The following COL27A1 variants were observed in gnomAD, a reference collection of about 807,000 sequenced individuals.
COL27A1 encodes collagen type XXVII alpha 1 chain.
A neutral mutation model predicts 251.3 loss-of-function variants in COL27A1; 106 were observed. The observed-to-expected ratio is 0.42, with a 90% CI of 0.36 to 0.50. The LOEUF (loss-of-function observed/expected upper bound fraction) is 0.50, where lower values mean the gene tolerates loss of function less well. COL27A1 is among the 20% of genes least tolerant of loss of function. The pLI, the probability that COL27A1 is intolerant of heterozygous loss-of-function variation, is 0.00. For synonymous variants in COL27A1, 1,000 were observed against 986.3 expected (o/e 1.01, Z -0.26); for missense variants, 2,325 against 2,522.8 (o/e 0.92, Z 1.68).
chr9:114,264,313 A>T lies in COL27A1; in HGVS notation c.3196-42A>T, dbSNP rs200434976. 393 of 1,494,538 alleles carry T rather than the reference A, an allele frequency of 2.6e-4. No homozygotes were observed. The African/African-American group carries it at 4.7e-3, about 18-fold the overall frequency. 92.6% of individuals were successfully genotyped at this position (1,494,538 alleles called of 1,614,324 possible). ...CCTCCTGGTTCTCCGCCCGAGGGAG[A>T]CCCCTGCTGTCCGGTGTGCTAGTCC... On this transcript the variant is annotated intron_variant, in intron 28 of 60. Coordinates refer to ENST00000356083, the MANE Select transcript of COL27A1 (RefSeq NM_032888.4).
Position 114,190,737 on chromosome 9 carries a change from A to G in COL27A1, c.2017-3667A>G, listed in dbSNP as rs538133847. ...CACTTAAGGCTCCCATCTGTCTTCT[A>G]GTACCACCTGGCTCTGTTAACTAAT... On this transcript the variant is annotated intron_variant, in intron 5 of 60. Coordinates refer to ENST00000356083, the MANE Select transcript of COL27A1 (RefSeq NM_032888.4). 2.2e-4 allele frequency among the ~76,000 whole-genome samples: 33 copies of G among 152,310 alleles called. No individual in the cohort carries two copies. The South Asian group carries it at 6.6e-3, about 31-fold the overall frequency.
chr9:114,294,726 C>A (rs1828150490), intron 49 of COL27A1, among the ~76,000 whole-genome samples: 1 of 152,198 alleles, frequency 6.6e-6, no homozygotes, highest in Admixed American at 6.5e-5. Flanking sequence ...TAGTCAACAT[C>A]ATACTTAGTA....
intron 1 of COL27A1, among the ~76,000 whole-genome samples, chr9:114,160,557 G>A (rs1848431357): frequency 6.6e-6 from 1 of 151,862 alleles, no homozygotes. Flanking sequence ...GGAAATATAA[G>A]CCCGGCATGG....
At chr9:114,233,751 A>C (rs1832134413) in intron 16 of COL27A1, among the ~76,000 whole-genome samples, 1 of 152,212 alleles carries the variant, frequency 6.6e-6, no homozygotes, top group Non-Finnish European at 1.5e-5. Flanking sequence ...TGGGACATTT[A>C]GAGATGTGAA....
rs1460811311 is a variant in COL27A1, at chr9:114,312,358, C to T, written c.*1663C>T. 1.3e-5 allele frequency: 2 copies of T among 152,332 alleles called. No homozygotes were observed. The highest frequency in any genetic ancestry group is 1.5e-5 in the Non-Finnish European group (1 of 68,048). 9.4% of individuals were successfully genotyped at this position (152,332 alleles called of 1,614,324 possible). A position where few individuals can be genotyped will look rare whatever the true frequency, so the allele number is the denominator to read the frequency against. On this transcript the variant is annotated 3_prime_UTR_variant, in exon 61 of 61. Coordinates refer to ENST00000356083, the MANE Select transcript of COL27A1 (RefSeq NM_032888.4). Reference sequence around the variant, plus strand: ...CTCAGCGCTCGGATCCCTCCTGCTGCCAGAATCCACTGGCCTCTGTCTCAT... The same window carrying T: ...CTCAGCGCTCGGATCCCTCCTGCTGTCAGAATCCACTGGCCTCTGTCTCAT...
chr9:114,258,421 C>A, intron 27 of COL27A1, 120 bp from the exon 28 acceptor site: 1 of 997,800 alleles, frequency 1.0e-6, no homozygotes, highest in Non-Finnish European at 1.5e-6. Flanking sequence ...GCCCCGGCAG[C>A]TTCTGAACAT....
Position 114,265,462 on chromosome 9 carries a change from T to C in COL27A1, c.3380T>C (p.Leu1127Pro). The stretch of plus-strand genomic sequence containing the variant: ...TCAGGCCCCCCAGGCACCAAGGGCC[T>C]CCCAGGAGAACCGGTAAGAGCCCTT... ...GPSGPPGTKG[L>P]PGEPGPQGPQ... The change falls in exon 32 of 61, where the codon CTC becomes CCC. Residue 1127 changes from leucine to proline, a missense_variant. Around this residue, in one of 4 missense-constraint regions of COL27A1, gnomAD observed 662 missense variants for 795.3 expected, o/e 0.83. Transcript: ENST00000356083. The C allele has an allele frequency of 6.2e-7, 1 of 1,613,836 alleles. No individual in the cohort carries two copies.
chr9:114,160,193 C>T (rs1215847236), intron 1 of COL27A1, among the ~76,000 whole-genome samples: 3 of 149,384 alleles, frequency 2.0e-5, no homozygotes, highest in African/African-American at 4.9e-5. Flanking sequence ...CTCGCTCTGT[C>T]GCCCAGGCTG....
Position 114,169,142 on chromosome 9 carries a change from T to C in COL27A1, c.1587T>C (p.Ala529=), listed in dbSNP as rs1849125680. Residue 529 remains alanine, a synonymous_variant, in exon 3 of 61, where the codon GCT becomes GCC. Transcript: ENST00000356083. The part of the protein sequence containing the change: ...TAPAVPTPGS[A]PTGSKKPIGS... ...CTGCCGTCCCCACTCCTGGCTCAGC[T>C]CCCACTGGAAGCAAGAAGCCCATTG... 1 of 1,613,766 alleles carries C rather than the reference T, an allele frequency of 6.2e-7. No individual in the cohort carries two copies. Among genetic ancestry groups the C allele is most frequent in the African/African-American group, 1.3e-5 (1 of 74,828 alleles).
intron 3 of COL27A1, among the ~76,000 whole-genome samples, chr9:114,172,260 G>A (rs775334161): frequency 1.3e-5 from 2 of 152,188 alleles, no homozygotes; most frequent in African/African-American, 4.8e-5. Flanking sequence ...GGCCTCTGCT[G>A]TCTTCCCTTG....
intron 6 of COL27A1, among the ~76,000 whole-genome samples, chr9:114,195,414 G>C (rs1208776687): frequency 1.3e-5 from 2 of 152,124 alleles, no homozygotes; most frequent in African/African-American, 4.8e-5. Context: ...GCTTACAAAT[G>C]AGAAAACGGA....
At chr9:114,199,899 A>G (rs900487493) in intron 7 of COL27A1, among the ~76,000 whole-genome samples, 5 of 152,110 alleles carry the variant, frequency 3.3e-5, no homozygotes, top group Admixed American at 2.0e-4. Flanking sequence ...TTCTTACCAT[A>G]CTGCCCCAGA....
chr9:114,235,063 G>C (rs112649459), intron 16 of COL27A1, among the ~76,000 whole-genome samples: 5,314 of 139,508 alleles, frequency 0.038, 351 homozygotes, highest in African/African-American at 0.14. Context: ...TGAGCAACTA[G>C]AGTGAGACTC....
At chr9:114,185,612 G>C (rs1425752922) in intron 5 of COL27A1, among the ~76,000 whole-genome samples, 1 of 152,270 alleles carries the variant, frequency 6.6e-6, no homozygotes, top group Non-Finnish European at 1.5e-5. Flanking sequence ...CTGTTCAGCA[G>C]ATCCCCTTTG....
chr9:114,289,997 A>G, intron 45 of COL27A1, 61 bp from the exon 46 acceptor site: 1 of 1,567,604 alleles, frequency 6.4e-7, no homozygotes, highest in Non-Finnish European at 8.8e-7. Context: ...CTCCTTCCAG[A>G]GCCCCTAGGG....
At chr9:114,310,044 G>A (rs1182058311) in intron 60 of COL27A1, among the ~76,000 whole-genome samples, 3 of 152,088 alleles carry the variant, frequency 2.0e-5, no homozygotes, top group Admixed American at 6.5e-5. Flanking sequence ...CCTTAGAAAT[G>A]TACTTATTTT....
chr9:114,292,097 T>C lies in COL27A1; in HGVS notation c.4477-6T>C, dbSNP rs1827960630. 6.4e-7 allele frequency: 1 copy of C among 1,553,972 alleles called. No homozygotes were observed. The highest frequency in any genetic ancestry group is 8.7e-7 in the Non-Finnish European group (1 of 1,148,214). ...TGACTGGTAATTTTTTGTGTGTTTC[T>C]TTAAGGGTGAGAGTGGGTTACCCGG... On this transcript the variant is annotated splice_polypyrimidine_tract_variant and splice_region_variant and intron_variant, in intron 48 of 60. Transcript: ENST00000356083.
chr9:114,196,092 C>G, intron 7 of COL27A1, 80 bp downstream of exon 7: 1 of 1,224,110 alleles, frequency 8.2e-7, no homozygotes, highest in Non-Finnish European at 1.2e-6. Flanking sequence ...AGCTGTGGGC[C>G]CACCTGCCTC....
chr9:114,282,487 G>A lies in COL27A1; in HGVS notation c.3802G>A (p.Glu1268Lys), dbSNP rs2135703029. The A allele has an allele frequency of 6.3e-7, 1 of 1,595,158 alleles. No individual in the cohort carries two copies. The highest frequency in any genetic ancestry group is 8.5e-7 in the Non-Finnish European group (1 of 1,171,346). ...CAAGGGCTATCAAGGACAGCTGGGTGAGATGGGCGTCCCTGGAGACCCTGG... is the reference window on the plus strand; with the variant it reads ...CAAGGGCTATCAAGGACAGCTGGGTAAGATGGGCGTCCCTGGAGACCCTGG... The part of the protein sequence containing the change: ...GAKGYQGQLG[E>K]MGVPGDPGPP... Residue 1268 changes from glutamate (E) to lysine (K), a missense_variant, in exon 39 of 61, where the codon GAG becomes AAG. This residue lies in a region of COL27A1 where 662 missense variants were observed against 795.3 expected (regional missense o/e 0.83). Coordinates refer to ENST00000356083, the MANE Select transcript of COL27A1 (RefSeq NM_032888.4).
Sources: allele counts gnomAD v4.1 joint callset (sites outside exome capture counted in the v4.1 genomes callset), GRCh38; gene constraint gnomAD v4.1.1; regional missense constraint gnomAD v4.1.1; transcripts MANE v1.5; gene names NCBI Gene and HGNC (gene_info 2026-07-23, HGNC 2026-07-21).